Variants in LBHD1 observed in about 807,000 individuals in gnomAD.
LBHD1 encodes LBH domain-containing protein 1.
LBHD1 carries 28 observed loss-of-function variants against 31.1 expected under a neutral mutation model. That is an observed-to-expected ratio of 0.90 (90% CI 0.67 to 1.24). The LOEUF is 1.24. Ranked by LOEUF, LBHD1 falls within the 50% of genes most tolerant of loss-of-function variation. LBHD1 has a pLI of 0.00. For synonymous variants in LBHD1, 105 were observed against 116.5 expected, an observed-to-expected ratio of 0.90 and a Z score of 0.63; for missense variants, 350 against 323.0, an observed-to-expected ratio of 1.08 and a Z score of -0.64.
chr11:62,663,386 T>C (rs576306759), intron 5 of LBHD1, 53 bp from the exon 6 acceptor site: 2 of 1,556,270 alleles, frequency 1.3e-6, no homozygotes, highest in Non-Finnish European at 1.8e-6. Context: ...CCAACTGAGG[T>C]CACACAAATA....
intron 4 of LBHD1, chr11:62,665,465 G>A (rs752686151): frequency 1.9e-6 from 3 of 1,572,296 alleles, no homozygotes; most frequent in East Asian, 4.6e-5. Context: ...GCCGCTCCCC[G>A]TAATGTACGG....
chr11:62,671,613 T>C lies in LBHD1; in HGVS notation c.-60A>G. 6.7e-7 allele frequency: 1 copy of C among 1,502,216 alleles called. No homozygotes were observed. Among genetic ancestry groups the C allele is most frequent in the South Asian group, 1.3e-5 (1 of 75,218 alleles). 93.1% of individuals were successfully genotyped at this position (1,502,216 alleles called of 1,614,324 possible). A position where few individuals can be genotyped will look rare whatever the true frequency, so the allele number is the denominator to read the frequency against. On this transcript the variant is annotated 5_prime_UTR_variant, in exon 1 of 7. Coordinates refer to ENST00000354588, the MANE Select transcript of LBHD1 (RefSeq NM_024099.5). ...CAAACGTTTCCTCGAGCAGGTCCTC[T>C]CTAGCCGGCCGCTTATCTATGGTTT...
Position 62,664,755 on chromosome 11 carries a change from A to T in LBHD1, c.663+94T>A, listed in dbSNP as rs890676943. The T allele has an allele frequency of 3.4e-6, 5 of 1,460,502 alleles. No homozygotes were observed. The African/African-American group carries it at 4.2e-5, about 12-fold the overall frequency. 90.5% of individuals were successfully genotyped at this position (1,460,502 alleles called of 1,614,324 possible). ...ATTCCCCGCATAAGCGTCAGTGCAC[A>T]AGGTGAGCTGAGAGGTGAAGCTGCT... On this transcript the variant is annotated intron_variant, in intron 5 of 6. Transcript: ENST00000354588.
intron 4 of LBHD1, chr11:62,667,006 C>T (rs1439204489): frequency 3.7e-6 from 6 of 1,612,280 alleles, no homozygotes; most frequent in Non-Finnish European, 5.1e-6. Flanking sequence ...TAGGCCCGTT[C>T]AGGGGCATCA....
rs756496301 is a variant in LBHD1 at position 62,666,675 on chromosome 11, T to G, written c.538+848A>C. The G allele has an allele frequency of 9.9e-6, 16 of 1,613,992 alleles. No homozygotes were observed. The highest frequency in any genetic ancestry group is 1.3e-5 in the Non-Finnish European group (15 of 1,180,024). On this transcript the variant is annotated intron_variant, in intron 4 of 6. Coordinates refer to ENST00000354588, the MANE Select transcript of LBHD1 (RefSeq NM_024099.5). ...TTTTCTCCTGTGGCTGTGGCCCACATGAATAGCCTCCTGGAGGGTGGCCCA... is the reference window on the plus strand; with the variant it reads ...TTTTCTCCTGTGGCTGTGGCCCACAGGAATAGCCTCCTGGAGGGTGGCCCA...
rs1944904573 is a variant in LBHD1 at position 62,669,724 on chromosome 11, AAAT to A, written c.227_229del (p.His76del). 1.2e-6 allele frequency: 2 copies of A among 1,614,046 alleles called. No individual in the cohort carries two copies. Among genetic ancestry groups the A allele is most frequent in the African/African-American group, 2.7e-5 (2 of 74,906 alleles). On this transcript the variant is annotated inframe_deletion, in exon 3 of 7. Coordinates refer to ENST00000354588, the MANE Select transcript of LBHD1 (RefSeq NM_024099.5). The stretch of plus-strand genomic sequence containing the variant: ...GAGCAGCAGCAGCTCCTCATGGGGC[AAAT>A]GGAGATCCCCACTCTCTTCATTCAC...
At chr11:62,669,429 G>A in intron 3 of LBHD1, 6 of 984,802 alleles carry the variant, frequency 6.1e-6, no homozygotes, top group Non-Finnish European at 7.2e-6. Context: ...AGAAAGTACA[G>A]ATTAAAGGAT....
Position 62,672,062 on chromosome 11 carries a change from G to A in LBHD1, c.-509C>T, listed in dbSNP as rs1402900272. On this transcript the variant is annotated 5_prime_UTR_variant, in exon 1 of 7. Coordinates refer to ENST00000354588, the MANE Select transcript of LBHD1 (RefSeq NM_024099.5). The stretch of plus-strand genomic sequence containing the variant: ...ACCACGCAGGAGAACGTGGCCTGGA[G>A]GAAGAACTGGATGGTTGGCGGCGAA... The A allele has an allele frequency of 3.7e-6, 6 of 1,608,496 alleles. No homozygotes were observed. The East Asian group carries it at 8.9e-5, about 24-fold the overall frequency.
intron 5 of LBHD1, 56 bp from the exon 6 acceptor site, chr11:62,663,389 C>T: frequency 6.5e-7 from 1 of 1,544,922 alleles, no homozygotes; most frequent in South Asian, 1.1e-5. Context: ...ACTGAGGTCA[C>T]ACAAATAGTT....
chr11:62,666,056 C>T, intron 4 of LBHD1: 1 of 1,267,788 alleles, frequency 7.9e-7, no homozygotes, highest in East Asian at 2.4e-5. Flanking sequence ...GATTCTCAAA[C>T]CCTACGGTGG....
chr11:62,663,413 A>T (rs1390811543), intron 5 of LBHD1, 80 bp from the exon 6 acceptor site: 54 of 1,458,704 alleles, frequency 3.7e-5, no homozygotes, highest in Non-Finnish European at 4.9e-5. Context: ...GCTATAGAAA[A>T]AGTATTAAAT....
Position 62,667,632 on chromosome 11 carries a change from T to G in LBHD1, c.429A>C (p.Ala143=). The change falls in exon 4 of 7, where the codon GCA becomes GCC. Residue 143 remains alanine, a synonymous_variant. Transcript: ENST00000354588. ...EDACWILEDT[A]CLEATNHCPF... ...GACAGTGGTTGGTGGCTTCCAGACA[T>G]GCTGTGTCCTCAAGAATCCAACAAG... is the stretch of plus-strand genomic sequence containing the variant. 1.9e-6 allele frequency: 3 copies of G among 1,614,192 alleles called. No homozygotes were observed. The highest frequency in any genetic ancestry group is 2.5e-6 in the Non-Finnish European group (3 of 1,180,032).
intron 4 of LBHD1, chr11:62,665,290 G>C (rs1417262686): frequency 2.8e-6 from 2 of 716,518 alleles, no homozygotes; most frequent in South Asian, 1.6e-5. Flanking sequence ...GCTATATAAA[G>C]GAGCTCCGCG....
At position 62,672,173 on chromosome 11, in the gene LBHD1, C is replaced by G; in HGVS notation, c.-620G>C. On this transcript the variant is annotated 5_prime_UTR_variant, in exon 1 of 7. Transcript: ENST00000354588. ...GCTTGGGCGCAGGAATCCGAGGCAG[C>G]CTTTCTCCTTCGTGGGCCCAGCGGA... The G allele has an allele frequency of 6.7e-7, 1 of 1,500,576 alleles. No individual in the cohort carries two copies. The highest frequency in any genetic ancestry group is 9.0e-7 in the Non-Finnish European group (1 of 1,116,884). The allele number at this position is 1,500,576 out of a possible 1,614,324, so 93.0% of individuals were successfully genotyped here.
intron 4 of LBHD1, chr11:62,666,749 A>G (rs1565127815): frequency 3.1e-6 from 5 of 1,614,004 alleles, no homozygotes; most frequent in Non-Finnish European, 3.4e-6. Flanking sequence ...CCTCCACTTC[A>G]TGCACGCCGA....
intron 1 of LBHD1, 140 bp downstream of exon 1, chr11:62,671,424 G>A: frequency 7.8e-7 from 1 of 1,275,894 alleles, no homozygotes; most frequent in Non-Finnish European, 1.0e-6. Context: ...CAGAAAAATG[G>A]GCAATCATAA....
intron 3 of LBHD1, 145 bp downstream of exon 3, chr11:62,669,496 C>G: frequency 6.7e-7 from 1 of 1,499,916 alleles, no homozygotes; most frequent in African/African-American, 1.4e-5. Context: ...TGCCAGCTGC[C>G]TTTTCTCTCC....
chr11:62,671,404 C>T, intron 1 of LBHD1, 160 bp downstream of exon 1: 1 of 1,259,234 alleles, frequency 7.9e-7, no homozygotes, highest in South Asian at 1.3e-5. Flanking sequence ...GATCGGGAAA[C>T]GTCGGAAGAC....
chr11:62,671,158 C>A, intron 1 of LBHD1: 5 of 362,618 alleles, frequency 1.4e-5, no homozygotes, highest in Non-Finnish European at 2.2e-5. Context: ...AAAAAAAAAC[C>A]CAAACAATAC....
Sources: gnomAD v4.1 joint callset for allele counts on GRCh38, gnomAD v4.1.1 for gene constraint, MANE v1.5 for transcripts, NCBI Gene and HGNC (gene_info 2026-07-23, HGNC 2026-07-21) for gene names.